Variants in MACROD2 observed in about 807,000 individuals in gnomAD.
MACROD2 encodes the protein mono-ADP ribosylhydrolase 2, also known as ADP-ribose glycohydrolase MACROD2.
MACROD2 carries 36 observed loss-of-function variants against 70.4 expected under a neutral mutation model. The ratio of observed to expected loss-of-function variants is 0.51; its 90% CI spans 0.39 to 0.68. The LOEUF (loss-of-function observed/expected upper bound fraction) is 0.68, where lower values mean the gene tolerates loss of function less well. MACROD2 is among the 30% of genes least tolerant of loss of function. The pLI is 0.00. For missense variants in MACROD2, 496 were observed against 538.4 expected, an observed-to-expected ratio of 0.92 and a Z score of 0.78; for synonymous variants, 172 against 178.8, an observed-to-expected ratio of 0.96 and a Z score of 0.30.
At chr20:14,557,966 C>A (rs1411140776) in intron 4 of MACROD2, among the ~76,000 whole-genome samples, 1 of 151,744 alleles carries the variant, frequency 6.6e-6, no homozygotes, top group Admixed American at 6.6e-5. Context: ...AATGGAACAA[C>A]TTAAATGTCC....
intron 8 of MACROD2, among the ~76,000 whole-genome samples, chr20:15,503,324 A>G (rs528654627): frequency 1.8e-4 from 28 of 152,364 alleles, no homozygotes. Flanking sequence ...TAGATATCTA[A>G]TGAAGATTTC....
chr20:15,851,659 G>A (rs1289728015), intron 8 of MACROD2, among the ~76,000 whole-genome samples: 2 of 152,168 alleles, frequency 1.3e-5, no homozygotes, highest in Non-Finnish European at 2.9e-5. Context: ...TGAATATGGA[G>A]GAGACACACT....
intron 3 of MACROD2, among the ~76,000 whole-genome samples, chr20:14,241,619 T>G (rs2081930491): frequency 6.6e-6 from 1 of 152,076 alleles, no homozygotes; most frequent in African/African-American, 2.4e-5. Flanking sequence ...CATGGTGATA[T>G]GAGTGCTTAT....
intron 5 of MACROD2, among the ~76,000 whole-genome samples, chr20:15,078,818 A>G (rs6074836): frequency 0.78 from 117,875 of 151,722 alleles, 45,997 homozygotes; most frequent in Admixed American, 0.81. Context: ...GCTAATTTTT[A>G]TATTTTTAGT....
chr20:15,690,325 C>A (rs988612599), intron 8 of MACROD2, among the ~76,000 whole-genome samples: 24 of 152,114 alleles, frequency 1.6e-4, no homozygotes, highest in Non-Finnish European at 3.1e-4. Flanking sequence ...AGGGAAAAAT[C>A]AAGGATGATT....
intron 4 of MACROD2, chr20:14,566,611 G>C (rs2123307327): frequency 6.6e-6 from 1 of 152,072 alleles, no homozygotes; most frequent in East Asian, 1.9e-4. Flanking sequence ...CCCTTCTGCT[G>C]AGAGTTTGGT....
chr20:15,983,431 T>A (rs1231678757), intron 13 of MACROD2, among the ~76,000 whole-genome samples: 2 of 152,164 alleles, frequency 1.3e-5, no homozygotes, highest in African/African-American at 4.8e-5. Context: ...ACCACACATC[T>A]GCTTGGGGAT....
intron 6 of MACROD2, among the ~76,000 whole-genome samples, chr20:15,334,034 TATC>T (rs2078021728): frequency 6.6e-6 from 1 of 151,650 alleles, no homozygotes; most frequent in Admixed American, 6.6e-5. Flanking sequence ...GGTCCTCAGT[TATC>T]ATTCTCTCTG....
At chr20:16,008,487 T>A (rs1378304722) in intron 15 of MACROD2, among the ~76,000 whole-genome samples, 3 of 152,228 alleles carry the variant, frequency 2.0e-5, no homozygotes, top group African/African-American at 7.2e-5. Context: ...TGAAGAAGTA[T>A]CCTGGCAGTG....
At chr20:15,171,028 C>T (rs2076418633) in intron 5 of MACROD2, among the ~76,000 whole-genome samples, 1 of 152,076 alleles carries the variant, frequency 6.6e-6, no homozygotes, top group South Asian at 2.1e-4. Flanking sequence ...AGACCCTAAG[C>T]TAGAGTAAAG....
intron 3 of MACROD2, among the ~76,000 whole-genome samples, chr20:14,147,608 A>G (rs2054958696): frequency 6.6e-6 from 1 of 152,228 alleles, no homozygotes; most frequent in African/African-American, 2.4e-5. Context: ...AGTTGAAAGT[A>G]GTATGTTATT....
chr20:14,536,888 T>A (rs546303308), intron 4 of MACROD2, among the ~76,000 whole-genome samples: 2 of 152,304 alleles, frequency 1.3e-5, no homozygotes, highest in African/African-American at 4.8e-5. Flanking sequence ...CTCAACATGT[T>A]CAGTTTTTAA....
intron 8 of MACROD2, among the ~76,000 whole-genome samples, chr20:15,624,305 T>G (rs56360961): frequency 0.01 from 1,593 of 152,318 alleles, 38 homozygotes; most frequent in African/African-American, 0.037. Flanking sequence ...ACATTGAAGG[T>G]GGGTCTTCCC....
chr20:14,268,973 G>A (rs967764534), intron 3 of MACROD2, among the ~76,000 whole-genome samples: 1 of 152,126 alleles, frequency 6.6e-6, no homozygotes, highest in African/African-American at 2.4e-5. Context: ...TACAATTTGT[G>A]TGTTGGCGTA....
At chr20:14,871,690 G>A (rs381016) in intron 5 of MACROD2, among the ~76,000 whole-genome samples, 103,324 of 152,000 alleles carry the variant, frequency 0.68, 36,133 homozygotes, top group African/African-American at 0.79. Context: ...TTGAATATAA[G>A]TGGGCTAAAT....
At chr20:15,961,149 A>G (rs1029902761) in intron 12 of MACROD2, among the ~76,000 whole-genome samples, 1 of 152,186 alleles carries the variant, frequency 6.6e-6, no homozygotes, top group African/African-American at 2.4e-5. Context: ...ATTCAATGGC[A>G]TGGAGAAAAT....
At chr20:15,021,169 T>TAC (rs1228032276) in intron 5 of MACROD2, among the ~76,000 whole-genome samples, 1 of 126,950 alleles carries the variant, frequency 7.9e-6, no homozygotes, top group Non-Finnish European at 1.7e-5. Context: ...TGTGTATGTA[T>TAC]ACACATACAG....
chr20:15,862,886 C>T, intron 9 of MACROD2, 60 bp downstream of exon 9: 1 of 1,236,588 alleles, frequency 8.1e-7, no homozygotes, highest in South Asian at 1.3e-5. Flanking sequence ...GGAGCCGTCA[C>T]TTCTATTCCT....
chr20:15,947,029 G>A (rs1308525969), intron 12 of MACROD2, among the ~76,000 whole-genome samples: 1 of 152,208 alleles, frequency 6.6e-6, no homozygotes, highest in African/African-American at 2.4e-5. Flanking sequence ...AAACATCTCA[G>A]TGGAGTAAAA....
Sources: gnomAD v4.1 joint callset for allele counts (sites outside exome capture counted in the v4.1 genomes callset) on GRCh38, gnomAD v4.1.1 for gene constraint, MANE v1.5 for transcripts, NCBI Gene and HGNC (gene_info 2026-07-23, HGNC 2026-07-21) for gene names.